FARP1: variants seen among roughly 807,000 people sequenced by gnomAD.
The protein encoded by FARP1 is FERM, ARHGEF and pleckstrin domain-containing protein 1.
A neutral mutation model predicts 128.8 loss-of-function variants in FARP1; 52 were observed. The observed-to-expected ratio is 0.40, with a 90% CI of 0.32 to 0.51. FARP1 has a LOEUF of 0.51. Ranked by LOEUF, FARP1 falls within the 20% of genes least tolerant of loss-of-function variation. The probability of loss-of-function intolerance (pLI) is 0.45; values close to 1 mark genes in which losing one functional copy is unlikely to be tolerated. For synonymous variants in FARP1, 580 were observed against 551.8 expected, an observed-to-expected ratio of 1.05 and a Z score of -0.72; for missense variants, 1,333 against 1,367.9, an observed-to-expected ratio of 0.97 and a Z score of 0.40.
chr13:98,300,712 A>G (rs1282428962), intron 2 of FARP1, among the ~76,000 whole-genome samples: 1 of 152,220 alleles, frequency 6.6e-6, no homozygotes, highest in Non-Finnish European at 1.5e-5. Context: ...AAAGAACAGC[A>G]TTATGAATAT....
intron 2 of FARP1, among the ~76,000 whole-genome samples, chr13:98,268,818 G>GTATGTA (rs1555332660): frequency 1.8e-4 from 26 of 144,504 alleles, no homozygotes; most frequent in African/African-American, 5.6e-4. Context: ...GTGTGTGTGT[G>GTATGTA]TATACAGCTT....
intron 2 of FARP1, among the ~76,000 whole-genome samples, chr13:98,258,452 C>T (rs188870646): frequency 2.0e-5 from 3 of 152,262 alleles, no homozygotes; most frequent in East Asian, 3.9e-4. Context: ...CACCAGACCA[C>T]GTGAGCATCG....
intron 7 of FARP1, among the ~76,000 whole-genome samples, chr13:98,385,426 C>G (rs534983444): frequency 6.6e-6 from 1 of 151,080 alleles, no homozygotes; most frequent in South Asian, 2.1e-4. Flanking sequence ...ACAAAAAAAA[C>G]AAAAACTGGC....
At chr13:98,220,760 C>A (rs997532471) in intron 2 of FARP1, among the ~76,000 whole-genome samples, 13 of 152,140 alleles carry the variant, frequency 8.5e-5, no homozygotes, top group African/African-American at 3.1e-4. Context: ...TGTTTGTGTG[C>A]ACCCCTTTCA....
At chr13:98,329,488 C>G (rs1405867694) in intron 2 of FARP1, 1 of 152,160 alleles carries the variant, frequency 6.6e-6, no homozygotes, top group African/African-American at 2.4e-5. Flanking sequence ...ATGGCGAAAC[C>G]CCATCTCTAC....
At chr13:98,350,526 T>A (rs1381054392) in intron 3 of FARP1, among the ~76,000 whole-genome samples, 1 of 152,128 alleles carries the variant, frequency 6.6e-6, no homozygotes, top group African/African-American at 2.4e-5. Flanking sequence ...GACATTAGGC[T>A]TCACTCTTGC....
chr13:98,250,693 C>T (rs1490310475), intron 2 of FARP1, among the ~76,000 whole-genome samples: 1 of 151,464 alleles, frequency 6.6e-6, no homozygotes, highest in Admixed American at 6.6e-5. Context: ...TGCACTCTAG[C>T]CTGGGCGACA....
intron 1 of FARP1, among the ~76,000 whole-genome samples, chr13:98,181,023 CAG>C (rs1205124681): frequency 6.6e-6 from 1 of 151,930 alleles, no homozygotes; most frequent in Non-Finnish European, 1.5e-5. Flanking sequence ...TTCCTACAAA[CAG>C]AATTACAGAG....
At chr13:98,200,845 A>G (rs141810324) in intron 1 of FARP1, among the ~76,000 whole-genome samples, 2 of 152,326 alleles carry the variant, frequency 1.3e-5, no homozygotes, top group East Asian at 3.9e-4. Flanking sequence ...GGGACTGGCT[A>G]GAGAAGTGTT....
At chr13:98,447,674 G>C (rs1268485009) in intron 26 of FARP1, 1 of 154,308 alleles carries the variant, frequency 6.5e-6, no homozygotes, top group Admixed American at 6.4e-5. Flanking sequence ...CCGGTAGAGA[G>C]CAAATACACA....
chr13:98,272,454 G>A (rs570314931), intron 2 of FARP1, among the ~76,000 whole-genome samples: 6 of 152,162 alleles, frequency 3.9e-5, no homozygotes, highest in South Asian at 2.1e-4. Context: ...TTGGGAACCC[G>A]TTCGTGAAAT....
intron 16 of FARP1, among the ~76,000 whole-genome samples, chr13:98,418,739 CTT>C (rs1190046089): frequency 6.6e-6 from 1 of 152,220 alleles, no homozygotes; most frequent in Non-Finnish European, 1.5e-5. Flanking sequence ...CTAGAAGACA[CTT>C]GAGAGAAAGC....
intron 12 of FARP1, among the ~76,000 whole-genome samples, chr13:98,394,654 G>A (rs1483090515): frequency 6.6e-6 from 1 of 152,198 alleles, no homozygotes; most frequent in African/African-American, 2.4e-5. Context: ...TTAAAAATTA[G>A]CCGGGTGTGG....
chr13:98,339,122 T>C (rs1353345096), intron 2 of FARP1, among the ~76,000 whole-genome samples: 1 of 152,192 alleles, frequency 6.6e-6, no homozygotes, highest in Non-Finnish European at 1.5e-5. Context: ...AGCACATTTG[T>C]ATTCGTCCAT....
At position 98,452,173 on chromosome 13, in the gene FARP1, AATTT is replaced by A. The variant is rs1457420944; in HGVS notation, c.*3861_*3864del. ...AGTATGCAAAATAAGCGTGTTATAA[AATTT>A]ATTTGTGTAAGCATTCAGACATTTT... On this transcript the variant is annotated 3_prime_UTR_variant, in exon 27 of 27. Transcript: ENST00000319562. The A allele has an allele frequency of 4.6e-5, 7 of 152,196 alleles. No individual in the cohort carries two copies. Among genetic ancestry groups the A allele is most frequent in the South Asian group, 2.1e-4 (1 of 4,828 alleles). The allele number at this position is 152,196 out of a possible 1,614,324, so 9.4% of individuals were successfully genotyped here.
intron 2 of FARP1, among the ~76,000 whole-genome samples, chr13:98,308,004 G>GT (rs1555335936): frequency 1.1e-5 from 1 of 92,142 alleles, no homozygotes; most frequent in Non-Finnish European, 2.4e-5. Flanking sequence ...TGGACTGCCT[G>GT]CCCCCCTCCG....
intron 25 of FARP1, 63 bp from the exon 26 acceptor site, chr13:98,446,603 C>A: frequency 6.4e-7 from 1 of 1,557,950 alleles, no homozygotes; most frequent in South Asian, 1.1e-5. Context: ...TGCGGGGCAG[C>A]AGCCAGGCCC....
intron 6 of FARP1, 42 bp from the exon 7 acceptor site, chr13:98,384,688 G>A: frequency 1.6e-6 from 2 of 1,236,516 alleles, no homozygotes; most frequent in African/African-American, 1.5e-5. Context: ...ACTGGGAAGT[G>A]TCATTCCTAC....
intron 2 of FARP1, among the ~76,000 whole-genome samples, chr13:98,253,335 C>T (rs766913129): frequency 2.0e-5 from 3 of 152,158 alleles, no homozygotes; most frequent in Admixed American, 6.6e-5. Context: ...CAGTAGCTGC[C>T]GTTGACTGAG....
Sources: allele counts gnomAD v4.1 joint callset (sites outside exome capture counted in the v4.1 genomes callset), GRCh38; gene constraint gnomAD v4.1.1; transcripts MANE v1.5; gene names NCBI Gene and HGNC (gene_info 2026-07-23, HGNC 2026-07-21).